The following S100Z variants were observed in gnomAD, a reference collection of about 807,000 sequenced individuals.
S100Z encodes protein S100-Z.
S100Z carries 11 observed loss-of-function variants against 8.5 expected under a neutral mutation model. The observed-to-expected ratio is 1.30, with a 90% confidence interval of 0.82 to 2.15. The LOEUF (loss-of-function observed/expected upper bound fraction) is 2.15, where lower values mean the gene tolerates loss of function less well. Ranked by LOEUF, S100Z falls within the 30% of genes most tolerant of loss-of-function variation. The pLI is 0.00. For synonymous variants in S100Z, 34 were observed against 43.8 expected, an observed-to-expected ratio of 0.78 and a Z score of 0.89; for missense variants, 126 against 117.9, an observed-to-expected ratio of 1.07 and a Z score of -0.32.
the S100Z span, among the ~76,000 whole-genome samples, chr5:76,935,537 T>G: frequency 6.6e-6 from 1 of 152,254 alleles, no homozygotes; most frequent in African/African-American, 2.4e-5. Context: ...TCTTTCCATC[T>G]CTTCTCTAAA....
intron 1 of S100Z, among the ~76,000 whole-genome samples, chr5:76,857,264 C>G (rs57612292): frequency 6.6e-6 from 1 of 151,778 alleles, no homozygotes; most frequent in Non-Finnish European, 1.5e-5. Flanking sequence ...TGCACTCCAG[C>G]CTGGGCAACA....
At chr5:76,894,177 C>G (rs1213409575) in intron 4 of S100Z, among the ~76,000 whole-genome samples, 2 of 152,218 alleles carry the variant, frequency 1.3e-5, no homozygotes, top group Non-Finnish European at 2.9e-5. Context: ...AAACTTTGGT[C>G]TCTACCACCT....
At chr5:76,858,025 A>G (rs896200436) in intron 1 of S100Z, among the ~76,000 whole-genome samples, 1 of 152,214 alleles carries the variant, frequency 6.6e-6, no homozygotes, top group Admixed American at 6.5e-5. Flanking sequence ...TTGCTAAAAG[A>G]TGGGACTGCC....
intron 4 of S100Z, among the ~76,000 whole-genome samples, chr5:76,915,430 C>T (rs1163277963): frequency 6.6e-6 from 1 of 151,614 alleles, no homozygotes; most frequent in Non-Finnish European, 1.5e-5. Flanking sequence ...GGTGAAACCC[C>T]CTCTCCACTA....
At position 76,875,415 on chromosome 5, in the gene S100Z, AT is replaced by A; in HGVS notation, c.58del (p.Ser20LeufsTer15). On this transcript the variant is annotated frameshift_variant, in exon 3 of 5. Transcript: ENST00000317593. LOFTEE classifies it high-confidence loss of function. ...ACCATGATTAGAATCTTCCACCGCT[AT>A]TCTGGCAAGGAAAGGAAGAGATTCA... ...MDTMIRIFHR[Y>X]SGKERKRFKL... 1.9e-6 allele frequency: 3 copies of A among 1,613,296 alleles called. No individual in the cohort carries two copies. Among genetic ancestry groups the A allele is most frequent in the Non-Finnish European group, 2.5e-6 (3 of 1,179,682 alleles).
chr5:76,879,932 G>T (rs1306831076), intron 4 of S100Z, among the ~76,000 whole-genome samples: 1 of 152,178 alleles, frequency 6.6e-6, no homozygotes, highest in Non-Finnish European at 1.5e-5. Context: ...GAGACCCCCA[G>T]ACAGGCTTTG....
the S100Z span, among the ~76,000 whole-genome samples, chr5:76,941,185 G>A: frequency 6.4e-4 from 97 of 151,998 alleles, no homozygotes; most frequent in Non-Finnish European, 2.2e-4. Flanking sequence ...AATTTTTTTC[G>A]TTTTGACATA....
chr5:76,890,130 TCTCCTGTCTCAGC>T (rs1743806505), intron 4 of S100Z, among the ~76,000 whole-genome samples: 1 of 152,174 alleles, frequency 6.6e-6, no homozygotes, highest in Admixed American at 6.5e-5. Context: ...TTCAGGTTAT[TCTCCTGTCTCAGC>T]CTCCTGAGTA....
chr5:76,893,679 C>G (rs752722537), intron 4 of S100Z, among the ~76,000 whole-genome samples: 9 of 152,154 alleles, frequency 5.9e-5, no homozygotes, highest in Non-Finnish European at 1.0e-4. Context: ...TCCCCTCGCC[C>G]TGAGGAAAAC....
chr5:76,922,486 T>C (rs1456077492), downstream of S100Z, among the ~76,000 whole-genome samples: 1 of 152,188 alleles, frequency 6.6e-6, no homozygotes, highest in Admixed American at 6.5e-5. Flanking sequence ...CCCAGGTTCA[T>C]ACATCTCTTC....
chr5:76,939,570 T>A, the S100Z span, among the ~76,000 whole-genome samples: 1 of 149,098 alleles, frequency 6.7e-6, no homozygotes, highest in African/African-American at 2.5e-5. Flanking sequence ...TGGAGTGCAA[T>A]GGTGCGATCT....
the S100Z span, among the ~76,000 whole-genome samples, chr5:76,936,638 C>T: frequency 1.4e-5 from 2 of 144,866 alleles, no homozygotes; most frequent in Non-Finnish European, 3.1e-5. Flanking sequence ...CACACACACA[C>T]ACACACACAC....
chr5:76,946,609 CT>C, the S100Z span, among the ~76,000 whole-genome samples: 1 of 152,066 alleles, frequency 6.6e-6, no homozygotes, highest in Non-Finnish European at 1.5e-5. Context: ...GTCATTCCTT[CT>C]AATTTAATAA....
intron 1 of S100Z, 126 bp from the exon 2 acceptor site, chr5:76,870,040 G>C (rs1299555294): frequency 6.6e-6 from 1 of 151,672 alleles, no homozygotes; most frequent in Non-Finnish European, 1.5e-5. Context: ...AAAAAAAATT[G>C]TGACAGAAGC....
chr5:76,897,255 A>G (rs888373342), intron 4 of S100Z, among the ~76,000 whole-genome samples: 2 of 151,946 alleles, frequency 1.3e-5, no homozygotes, highest in Non-Finnish European at 2.9e-5. Context: ...GATCGAGACC[A>G]TGGTGAAACC....
At chr5:76,872,327 G>C (rs1332141237) in intron 2 of S100Z, among the ~76,000 whole-genome samples, 1 of 152,006 alleles carries the variant, frequency 6.6e-6, no homozygotes, top group Non-Finnish European at 1.5e-5. Context: ...CAGTTCCCTG[G>C]GCCGTGGTCA....
At chr5:76,873,223 G>C (rs910480336) in intron 2 of S100Z, among the ~76,000 whole-genome samples, 4 of 152,018 alleles carry the variant, frequency 2.6e-5, no homozygotes, top group Non-Finnish European at 4.4e-5. Flanking sequence ...CTAGGGTAGG[G>C]AATGGTGAGA....
At chr5:76,868,623 C>CTTTTTT (rs35398110) in intron 1 of S100Z, among the ~76,000 whole-genome samples, 2 of 122,850 alleles carry the variant, frequency 1.6e-5, no homozygotes, top group South Asian at 2.5e-4. Flanking sequence ...AATTCAAACT[C>CTTTTTT]TTTTTTTTTT....
chr5:76,854,725 C>T (rs893049687), intron 1 of S100Z, among the ~76,000 whole-genome samples: 1 of 152,234 alleles, frequency 6.6e-6, no homozygotes, highest in Non-Finnish European at 1.5e-5. Context: ...GGGAAGGATT[C>T]AGGCAGGCTG....
Sources: allele counts gnomAD v4.1 joint callset (sites outside exome capture counted in the v4.1 genomes callset), GRCh38; gene constraint gnomAD v4.1.1; transcripts MANE v1.5; gene names NCBI Gene and HGNC (gene_info 2026-07-23, HGNC 2026-07-21).